Variants in ERP27 observed in about 807,000 individuals in gnomAD.
ERP27 encodes the protein endoplasmic reticulum protein 27, also known as endoplasmic reticulum resident protein 27.
A neutral mutation model predicts 27.7 loss-of-function variants in ERP27; 23 were observed. That is an observed-to-expected ratio of 0.83 (90% CI 0.60 to 1.18). ERP27 has a LOEUF of 1.18. Among genes scored for constraint, ERP27 ranks in the 50% most tolerant of loss-of-function variants. The probability of loss-of-function intolerance (pLI) is 0.00; values close to 1 mark genes in which losing one functional copy is unlikely to be tolerated. For synonymous variants in ERP27, 159 were observed against 118.3 expected (o/e 1.34, Z -2.23); for missense variants, 363 against 327.9 (o/e 1.11, Z -0.83).
intron 6 of ERP27, 88 bp downstream of exon 6, chr12:14,915,401 T>C (rs1863392228): frequency 7.0e-7 from 1 of 1,436,402 alleles, no homozygotes; most frequent in Non-Finnish European, 9.6e-7. Flanking sequence ...CTCTCCTCCC[T>C]CTCTGAGCCC....
chr12:14,931,008 A>AAAGT (rs1863688956), intron 3 of ERP27, among the ~76,000 whole-genome samples: 2 of 152,346 alleles, frequency 1.3e-5, no homozygotes, highest in Admixed American at 1.3e-4. Context: ...GTGTAAAAAC[A>AAAGT]AAGTTTATCT....
chr12:14,924,992 A>G (rs1863577104), intron 3 of ERP27, among the ~76,000 whole-genome samples: 1 of 152,164 alleles, frequency 6.6e-6, no homozygotes, highest in Non-Finnish European at 1.5e-5. Context: ...GTTACCCTAT[A>G]TGGTCTGAAA....
chr12:14,936,295 A>G lies in ERP27; in HGVS notation c.196-1302T>C, dbSNP rs149902515. 4.2e-3 allele frequency among the ~76,000 whole-genome samples: 644 copies of G among 152,328 alleles called. 9 individuals are homozygous for G. The highest frequency in any genetic ancestry group is 0.014 in the African/African-American group (588 of 41,564). On this transcript the variant is annotated intron_variant, in intron 2 of 6. Coordinates refer to ENST00000266397, the MANE Select transcript of ERP27 (RefSeq NM_152321.4). ...GACAGTCCCTCTCTTGCCACTGTAG[A>G]TAAACCTGAGCTTTGCACATGAAGA...
intron 3 of ERP27, chr12:14,929,004 AATC>A: frequency 8.5e-6 from 13 of 1,535,186 alleles, no homozygotes; most frequent in Non-Finnish European, 1.0e-5. Context: ...CAACCACCAA[AATC>A]ATCATCATTA....
intron 3 of ERP27, among the ~76,000 whole-genome samples, chr12:14,929,820 C>T (rs573808131): frequency 6.6e-6 from 1 of 152,148 alleles, no homozygotes; most frequent in East Asian, 1.9e-4. Context: ...TTAAAATTGT[C>T]TTAGTTTATG....
intron 3 of ERP27, among the ~76,000 whole-genome samples, chr12:14,929,663 T>C (rs1863668004): frequency 6.6e-6 from 1 of 152,236 alleles, no homozygotes; most frequent in African/African-American, 2.4e-5. Context: ...AATTTTGAGT[T>C]TCCTCAAGAG....
At chr12:14,918,063 A>G (rs1363298495) in intron 4 of ERP27, among the ~76,000 whole-genome samples, 4 of 152,236 alleles carry the variant, frequency 2.6e-5, no homozygotes, top group African/African-American at 9.6e-5. Context: ...GTTCGTACTT[A>G]TTGAGTGTTC....
chr12:14,937,809 A>G (rs1274802161), intron 2 of ERP27, 143 bp downstream of exon 2: 38 of 644,934 alleles, frequency 5.9e-5, no homozygotes, highest in Middle Eastern at 6.6e-4. Context: ...GTCCCAATGG[A>G]CAAGATGAAA....
chr12:14,930,441 C>T (rs1863680920), intron 3 of ERP27, among the ~76,000 whole-genome samples: 1 of 152,160 alleles, frequency 6.6e-6, no homozygotes. Flanking sequence ...AAATCCAAAG[C>T]AGGGTAAACA....
At chr12:14,934,735 T>A (rs1863749179) in intron 3 of ERP27, 121 bp downstream of exon 3, 5 of 1,213,564 alleles carry the variant, frequency 4.1e-6, no homozygotes, top group Non-Finnish European at 5.8e-6. Flanking sequence ...GTCAACAATG[T>A]CCCTGAATTT....
At chr12:14,931,778 T>C (rs1349379269) in intron 3 of ERP27, among the ~76,000 whole-genome samples, 1 of 152,124 alleles carries the variant, frequency 6.6e-6, no homozygotes, top group Non-Finnish European at 1.5e-5. Context: ...TGTGCGTATC[T>C]TGGTGGTACT....
At chr12:14,918,840 T>C (rs980066649) in intron 4 of ERP27, among the ~76,000 whole-genome samples, 8 of 152,134 alleles carry the variant, frequency 5.3e-5, no homozygotes, top group Non-Finnish European at 7.3e-5. Context: ...ATTTGGGAGA[T>C]TGGATGACAC....
chr12:14,929,742 A>C (rs138335918), intron 3 of ERP27, among the ~76,000 whole-genome samples: 3,094 of 152,272 alleles, frequency 0.02, 47 homozygotes, highest in Middle Eastern at 0.068. Flanking sequence ...TCTGTTCATT[A>C]GTATTTCAGC....
At chr12:14,925,410 A>G (rs1863585095) in intron 3 of ERP27, among the ~76,000 whole-genome samples, 1 of 152,190 alleles carries the variant, frequency 6.6e-6, no homozygotes, top group Non-Finnish European at 1.5e-5. Flanking sequence ...TAAGTAGCAA[A>G]AAATACATAG....
intron 4 of ERP27, among the ~76,000 whole-genome samples, chr12:14,920,638 C>CTGGGATTACATTT (rs367688978): frequency 3.3e-5 from 5 of 152,198 alleles, no homozygotes; most frequent in African/African-American, 1.2e-4. Flanking sequence ...TCCCACAGTG[C>CTGGGATTACATTT]TGGGATTACA....
chr12:14,925,778 A>G (rs1306779128), intron 3 of ERP27, among the ~76,000 whole-genome samples: 1 of 152,166 alleles, frequency 6.6e-6, no homozygotes, highest in Non-Finnish European at 1.5e-5. Flanking sequence ...TTTATTTAAA[A>G]GAGTGTTGGG....
At chr12:14,927,193 T>C (rs1463229171) in intron 3 of ERP27, among the ~76,000 whole-genome samples, 1 of 152,174 alleles carries the variant, frequency 6.6e-6, no homozygotes, top group Non-Finnish European at 1.5e-5. Context: ...TTTCTCTGAC[T>C]TCTTTTAACA....
intron 3 of ERP27, among the ~76,000 whole-genome samples, chr12:14,930,017 G>A (rs979761323): frequency 6.6e-6 from 1 of 151,684 alleles, no homozygotes; most frequent in East Asian, 1.9e-4. Context: ...GCCTGTAGGG[G>A]GATAGGGGGC....
At chr12:14,929,341 G>A (rs1336841872) in intron 3 of ERP27, among the ~76,000 whole-genome samples, 2 of 152,266 alleles carry the variant, frequency 1.3e-5, no homozygotes, top group East Asian at 1.9e-4. Flanking sequence ...CCAGTTTGTT[G>A]TACTTCTTTT....
Sources: gnomAD v4.1 joint callset for allele counts (sites outside exome capture counted in the v4.1 genomes callset) on GRCh38, gnomAD v4.1.1 for gene constraint, MANE v1.5 for transcripts, NCBI Gene and HGNC (gene_info 2026-07-23, HGNC 2026-07-21) for gene names.